The following SLC12A7 variants were observed in gnomAD, a reference collection of about 807,000 sequenced individuals.
SLC12A7 encodes the protein solute carrier family 12 member 7.
In SLC12A7, 100 loss-of-function variants were observed where a neutral mutation model predicts 120.6. That is an observed-to-expected ratio of 0.83 (90% confidence interval 0.71 to 0.98). The LOEUF is 0.98. Ranked by LOEUF, SLC12A7 falls within the 50% of genes least tolerant of loss-of-function variation. The probability of loss-of-function intolerance (pLI) is 0.00; values close to 1 mark genes in which losing one functional copy is unlikely to be tolerated. For synonymous variants in SLC12A7, 760 were observed against 678.0 expected (o/e 1.12, Z -1.88); for missense variants, 1,373 against 1,548.1 (o/e 0.89, Z 1.90).
At position 1,074,620 on chromosome 5, in the gene SLC12A7, G is replaced by A; in HGVS notation, c.2019C>T (p.Ala673=). Residue 673 remains alanine (A), a synonymous_variant, in exon 16 of 24, where the codon GCC becomes GCT. Transcript: ENST00000264930. ...DGIRGLSLNA[A]RYALLRVEHG... ...GCTCCACGCGCAGCAGGGCGTAGCG[G>A]GCGGCGTTCAGGGATAGGCCACGGA... 1.2e-6 allele frequency: 2 copies of A among 1,612,868 alleles called. No individual in the cohort carries two copies. Among genetic ancestry groups the A allele is most frequent in the Non-Finnish European group, 1.7e-6 (2 of 1,179,930 alleles).
intron 1 of SLC12A7, among the ~76,000 whole-genome samples, chr5:1,108,836 G>C (rs1742767056): frequency 6.6e-6 from 1 of 152,174 alleles, no homozygotes; most frequent in African/African-American, 2.4e-5. Flanking sequence ...ACGGTAGGTA[G>C]TTGGAGCAGG....
At chr5:1,079,811 C>T (rs1291209972) in intron 9 of SLC12A7, among the ~76,000 whole-genome samples, 2 of 152,124 alleles carry the variant, frequency 1.3e-5, no homozygotes, top group Non-Finnish European at 2.9e-5. Flanking sequence ...GGCCAAGGGT[C>T]AGCCCAGAGA....
intron 1 of SLC12A7, among the ~76,000 whole-genome samples, chr5:1,106,263 G>C (rs2150907890): frequency 6.6e-6 from 1 of 152,302 alleles, no homozygotes; most frequent in Non-Finnish European, 1.5e-5. Context: ...AACCAGCTTG[G>C]CCAACATGGC....
intron 18 of SLC12A7, among the ~76,000 whole-genome samples, chr5:1,064,583 C>T (rs924838874): frequency 2.6e-5 from 4 of 152,244 alleles, no homozygotes; most frequent in African/African-American, 9.6e-5. Flanking sequence ...GCCTCAAGGC[C>T]CATCGGGACC....
intron 5 of SLC12A7, 27 bp from the exon 6 acceptor site, chr5:1,087,060 G>A (rs1449334054): frequency 1.3e-6 from 2 of 1,599,108 alleles, no homozygotes; most frequent in Non-Finnish European, 1.7e-6. Context: ...GGCAGCCGCG[G>A]GTCAGGGGCG....
At chr5:1,123,974 A>G in the SLC12A7 span, among the ~76,000 whole-genome samples, 1 of 152,226 alleles carries the variant, frequency 6.6e-6, no homozygotes, top group South Asian at 2.1e-4. Flanking sequence ...TACTAAATTC[A>G]TCGCTCTCAG....
chr5:1,075,928 A>G, intron 14 of SLC12A7: 1 of 553,926 alleles, frequency 1.8e-6, no homozygotes, highest in Non-Finnish European at 3.2e-6. Flanking sequence ...CCTCAGGTGC[A>G]GTCTCATCAG....
At chr5:1,062,648 C>A (rs1736415596) in intron 20 of SLC12A7, among the ~76,000 whole-genome samples, 1 of 151,814 alleles carries the variant, frequency 6.6e-6, no homozygotes, top group South Asian at 2.1e-4. Context: ...GGAGCAGGTG[C>A]TCGGGGCCTC....
the SLC12A7 span, among the ~76,000 whole-genome samples, chr5:1,152,639 C>T: frequency 2.0e-5 from 3 of 152,282 alleles, no homozygotes; most frequent in East Asian, 5.8e-4. Flanking sequence ...CGGAGACCCC[C>T]AAGCTAGAGA....
intron 1 of SLC12A7, among the ~76,000 whole-genome samples, chr5:1,097,033 G>A (rs1470431724): frequency 2.6e-5 from 4 of 152,124 alleles, no homozygotes; most frequent in Non-Finnish European, 4.4e-5. Flanking sequence ...TCTCTTCCCC[G>A]CAGGAAGGGT....
chr5:1,059,013 G>A (rs1425103394), intron 21 of SLC12A7, among the ~76,000 whole-genome samples: 3 of 152,216 alleles, frequency 2.0e-5, no homozygotes, highest in African/African-American at 2.4e-5. Flanking sequence ...TCTCCACACT[G>A]AACTTCCCAT....
chr5:1,109,365 C>T (rs1742812849), intron 1 of SLC12A7, among the ~76,000 whole-genome samples: 1 of 152,200 alleles, frequency 6.6e-6, no homozygotes, highest in Non-Finnish European at 1.5e-5. Flanking sequence ...CAGCCGGCCC[C>T]CAGCAGTGTC....
chr5:1,151,534 G>T, the SLC12A7 span, among the ~76,000 whole-genome samples: 2 of 152,176 alleles, frequency 1.3e-5, no homozygotes, highest in African/African-American at 2.4e-5. This position sits in a 1 kb window ranked among gnomAD's most constrained non-coding sequence, Gnocchi z 6.2. Context: ...AACAACAGCT[G>T]CAGGGAACAA....
chr5:1,146,184 G>A, the SLC12A7 span, among the ~76,000 whole-genome samples: 45 of 152,186 alleles, frequency 3.0e-4, no homozygotes, highest in African/African-American at 9.9e-4. This position sits in a 1 kb window ranked among gnomAD's most constrained non-coding sequence, Gnocchi z 6.5. Context: ...CTCCCAGCAG[G>A]AGGGGCCATT....
Position 1,076,828 on chromosome 5 carries a change from C to T in SLC12A7, c.1630-16G>A. 6.4e-7 allele frequency: 1 copy of T among 1,563,494 alleles called. No homozygotes were observed. Among genetic ancestry groups the T allele is most frequent in the Non-Finnish European group, 8.8e-7 (1 of 1,139,820 alleles). On this transcript the variant is annotated splice_polypyrimidine_tract_variant and intron_variant, in intron 12 of 23. Transcript: ENST00000264930. ...GGCCAAACACCTGCAGGGAGAAGGG[C>T]AGGAAGATGGGGCAGATGACACCAC...
intron 22 of SLC12A7, chr5:1,056,685 C>T: frequency 1.6e-6 from 1 of 611,714 alleles, no homozygotes; most frequent in Non-Finnish European, 2.0e-6. Context: ...CAGGAGGACG[C>T]CGCCTCATCC....
the SLC12A7 span, among the ~76,000 whole-genome samples, chr5:1,150,039 AAAC>A: frequency 3.9e-5 from 6 of 152,352 alleles, no homozygotes; most frequent in Middle Eastern, 0.01. Flanking sequence ...TCAAAGAAAA[AAAC>A]AACAACAATA....
At chr5:1,155,509 C>T in the SLC12A7 span, among the ~76,000 whole-genome samples, 1 of 152,076 alleles carries the variant, frequency 6.6e-6, no homozygotes, top group South Asian at 2.1e-4. Flanking sequence ...TGCCCCAGGT[C>T]CCCGGAGCGC....
At chr5:1,144,766 A>G in the SLC12A7 span, among the ~76,000 whole-genome samples, 1 of 152,226 alleles carries the variant, frequency 6.6e-6, no homozygotes, top group Non-Finnish European at 1.5e-5. Flanking sequence ...AAAGACTAGA[A>G]CCAGGTGTGT....
Sources: allele counts gnomAD v4.1 joint callset (sites outside exome capture counted in the v4.1 genomes callset), GRCh38; gene constraint gnomAD v4.1.1; non-coding constraint Gnocchi (gnomAD v3.1); transcripts MANE v1.5; gene names NCBI Gene and HGNC (gene_info 2026-07-23, HGNC 2026-07-21).